Variants in ARMH4 observed in about 807,000 individuals in gnomAD.
The protein encoded by ARMH4 is armadillo-like helical domain-containing protein 4.
Under a neutral mutation model 61.9 loss-of-function variants are expected in ARMH4, and 49 were observed. That is an observed-to-expected ratio of 0.79 (90% confidence interval 0.63 to 1.00). The LOEUF is 1.00. ARMH4 is among the 50% of genes least tolerant of loss of function. ARMH4 has a pLI of 0.00. For missense variants in ARMH4, 934 were observed against 930.0 expected (o/e 1.00, Z -0.06); for synonymous variants, 368 against 341.5 (o/e 1.08, Z -0.85).
chr14:58,032,770 C>T (rs184355143), intron 5 of ARMH4, among the ~76,000 whole-genome samples: 3,281 of 152,170 alleles, frequency 0.022, 51 homozygotes, highest in Middle Eastern at 0.051. Flanking sequence ...GTTCCCTTTC[C>T]GAGTCAAAGA....
At chr14:58,124,726 G>A (rs1237501801) in intron 4 of ARMH4, among the ~76,000 whole-genome samples, 1 of 152,160 alleles carries the variant, frequency 6.6e-6, no homozygotes, top group East Asian at 1.9e-4. Context: ...AGGTTCCCTT[G>A]ACTGATCCCA....
intron 6 of ARMH4, among the ~76,000 whole-genome samples, chr14:58,006,546 C>G (rs1232298633): frequency 3.3e-5 from 5 of 152,268 alleles, no homozygotes; most frequent in African/African-American, 9.6e-5. Context: ...GTTTCTGCCT[C>G]CCAGAGTCTT....
intron 5 of ARMH4, among the ~76,000 whole-genome samples, chr14:58,057,626 G>A (rs1220310925): frequency 1.7e-4 from 26 of 152,118 alleles, no homozygotes; most frequent in East Asian, 5.8e-4. Flanking sequence ...TGAAATTAGC[G>A]TGGCAGGTAG....
intron 5 of ARMH4, among the ~76,000 whole-genome samples, chr14:58,038,744 C>T (rs1452506233): frequency 6.6e-6 from 1 of 152,078 alleles, no homozygotes; most frequent in Non-Finnish European, 1.5e-5. Context: ...TCTGTGACAA[C>T]TATAATGTGA....
At chr14:58,102,464 GA>G (rs1156872443) in intron 4 of ARMH4, among the ~76,000 whole-genome samples, 1 of 152,178 alleles carries the variant, frequency 6.6e-6, no homozygotes, top group Non-Finnish European at 1.5e-5. Flanking sequence ...ATCTTGAGAT[GA>G]AATAGTCTTG....
chr14:58,024,767 T>A (rs1033922962), intron 5 of ARMH4, among the ~76,000 whole-genome samples: 1 of 152,170 alleles, frequency 6.6e-6, no homozygotes, highest in Non-Finnish European at 1.5e-5. Context: ...GGGCTTTTAA[T>A]TGCATTAATT....
chr14:58,096,171 A>C (rs1885741076), intron 5 of ARMH4, among the ~76,000 whole-genome samples: 1 of 152,226 alleles, frequency 6.6e-6, no homozygotes, highest in South Asian at 2.1e-4. Flanking sequence ...CGTGTTTGAC[A>C]AGGTAATGCA....
chr14:58,119,841 T>G (rs1259803073), intron 4 of ARMH4, among the ~76,000 whole-genome samples: 2 of 152,226 alleles, frequency 1.3e-5, no homozygotes, highest in Non-Finnish European at 2.9e-5. Context: ...CTTGGTTGAT[T>G]GCACGGCTAT....
chr14:58,043,090 C>T (rs1281206011), intron 5 of ARMH4, among the ~76,000 whole-genome samples: 1 of 152,148 alleles, frequency 6.6e-6, no homozygotes, highest in Non-Finnish European at 1.5e-5. Context: ...GGGAATCCTC[C>T]CTAACTCATT....
At chr14:58,006,943 T>A (rs1882199527) in intron 6 of ARMH4, among the ~76,000 whole-genome samples, 1 of 151,984 alleles carries the variant, frequency 6.6e-6, no homozygotes, top group Non-Finnish European at 1.5e-5. Context: ...AATTAATTAA[T>A]ATGCTTTGTA....
chr14:58,087,151 C>T (rs572199107), intron 5 of ARMH4, among the ~76,000 whole-genome samples: 4 of 152,280 alleles, frequency 2.6e-5, no homozygotes, highest in South Asian at 2.1e-4. Flanking sequence ...ATTTCTTCTT[C>T]GCTTTTGGTT....
At chr14:58,011,855 T>G (rs981198536) in intron 6 of ARMH4, among the ~76,000 whole-genome samples, 3 of 152,076 alleles carry the variant, frequency 2.0e-5, no homozygotes, top group African/African-American at 7.2e-5. Context: ...GATATTATTC[T>G]GTGGAGCATA....
At chr14:58,085,672 GA>G (rs1180192622) in intron 5 of ARMH4, among the ~76,000 whole-genome samples, 1 of 152,106 alleles carries the variant, frequency 6.6e-6, no homozygotes, top group Non-Finnish European at 1.5e-5. Context: ...AAAATACAGA[GA>G]AGAGCTTCAG....
At chr14:58,058,402 G>A (rs983695457) in intron 5 of ARMH4, among the ~76,000 whole-genome samples, 12 of 152,154 alleles carry the variant, frequency 7.9e-5, no homozygotes, top group Admixed American at 3.9e-4. Context: ...TCCATAGGCA[G>A]AGCAGGCCCA....
In ARMH4 at chr14:58,076,371, C is replaced by A. The variant is rs1485005278; in HGVS notation, c.2089+20353G>T. On this transcript the variant is annotated intron_variant, in intron 5 of 7. Coordinates refer to ENST00000267485, the MANE Select transcript of ARMH4 (RefSeq NM_001001872.4). ...CATGGCTATCTACTGTTATTTAAAG[C>A]AATCCAACCAATCTTTTCTTCCCTA... 2.0e-5 allele frequency among the ~76,000 whole-genome samples: 3 copies of A among 152,176 alleles called. No individual in the cohort carries two copies. In the East Asian group the frequency reaches 5.8e-4, roughly 29 times the overall value.
At chr14:58,139,936 G>A (rs1239813162) in intron 1 of ARMH4, among the ~76,000 whole-genome samples, 1 of 152,186 alleles carries the variant, frequency 6.6e-6, no homozygotes, top group East Asian at 1.9e-4. Flanking sequence ...ATGACTTCAT[G>A]AGGACAGAAC....
intron 5 of ARMH4, among the ~76,000 whole-genome samples, chr14:58,064,477 T>C (rs181888656): frequency 1.3e-5 from 2 of 152,340 alleles, no homozygotes; most frequent in East Asian, 1.9e-4. Flanking sequence ...CAACTATTTA[T>C]ACAAACGGAT....
intron 5 of ARMH4, among the ~76,000 whole-genome samples, chr14:58,069,517 G>T (rs1594737712): frequency 6.6e-6 from 1 of 152,204 alleles, no homozygotes; most frequent in Non-Finnish European, 1.5e-5. Flanking sequence ...GGAACAATGG[G>T]TAGGCCAAGG....
At chr14:58,078,329 C>T (rs1034960509) in intron 5 of ARMH4, among the ~76,000 whole-genome samples, 3 of 152,180 alleles carry the variant, frequency 2.0e-5, no homozygotes, top group Non-Finnish European at 4.4e-5. Flanking sequence ...GGAGTCATCA[C>T]TTCTTTTTCT....
Sources: gnomAD v4.1 joint callset for allele counts (sites outside exome capture counted in the v4.1 genomes callset) on GRCh38, gnomAD v4.1.1 for gene constraint, MANE v1.5 for transcripts, NCBI Gene and HGNC (gene_info 2026-07-23, HGNC 2026-07-21) for gene names.